The following RBFOX2 variants were observed in gnomAD, a reference collection of about 807,000 sequenced individuals.
RBFOX2 encodes RNA binding protein fox-1 homolog 2.
RBFOX2 carries 10 observed loss-of-function variants against 49.1 expected under a neutral mutation model. The observed-to-expected ratio is 0.20, with a 90% CI of 0.13 to 0.35. The LOEUF (loss-of-function observed/expected upper bound fraction) is 0.35. Among genes scored for constraint, RBFOX2 ranks in the 10% least tolerant of loss-of-function variants. The pLI is 1.00. For synonymous variants in RBFOX2, 183 were observed against 187.4 expected, an observed-to-expected ratio of 0.98 and a Z score of 0.19; for missense variants, 323 against 486.9, an observed-to-expected ratio of 0.66 and a Z score of 3.17.
intron 1 of RBFOX2, among the ~76,000 whole-genome samples, chr22:35,933,079 A>T (rs1270757020): frequency 6.6e-6 from 1 of 152,222 alleles, no homozygotes; most frequent in Non-Finnish European, 1.5e-5. Context: ...GAACACTTAT[A>T]TTCAGAGAGA....
In RBFOX2 at chr22:35,879,235, G is replaced by A. The variant is rs180879374; in HGVS notation, c.-34+59612C>T. Among the ~76,000 whole-genome samples, 189 of 152,236 alleles carry A rather than the reference G, an allele frequency of 1.2e-3. 1 individual carries two copies. Among genetic ancestry groups the A allele is most frequent in the African/African-American group, 4.1e-3 (169 of 41,548 alleles). On this transcript the variant is annotated intron_variant, in intron 1 of 13. Coordinates refer to the RBFOX2 transcript ENST00000359369. ...CCATATTTGTGGGTTCTGCATCCCT[G>A]GATTCAACCAACCATGAATGGGAAA...
chr22:35,748,873 C>T (rs1303345639), intron 9 of RBFOX2, among the ~76,000 whole-genome samples: 1 of 152,194 alleles, frequency 6.6e-6, no homozygotes, highest in Non-Finnish European at 1.5e-5. Context: ...AGGTTTCACA[C>T]CTGACTCTCA....
chr22:35,974,348 C>T (rs536742087), intron 1 of RBFOX2, among the ~76,000 whole-genome samples: 2 of 152,288 alleles, frequency 1.3e-5, no homozygotes, highest in South Asian at 2.1e-4. Flanking sequence ...TTCCTACATT[C>T]GTTCTCGTCT....
At chr22:35,766,899 G>C (rs539354398) in intron 5 of RBFOX2, among the ~76,000 whole-genome samples, 2 of 152,060 alleles carry the variant, frequency 1.3e-5, no homozygotes, top group Non-Finnish European at 2.9e-5. Context: ...AGGAAGAATA[G>C]GGAAAGGGAC....
chr22:35,905,246 G>A (rs182822290), intron 1 of RBFOX2, among the ~76,000 whole-genome samples: 1 of 152,002 alleles, frequency 6.6e-6, no homozygotes, highest in Admixed American at 6.6e-5. Flanking sequence ...TTATGTTAGA[G>A]GCAGCCAACA....
chr22:35,869,017 T>C (rs987891354), intron 1 of RBFOX2, among the ~76,000 whole-genome samples: 2 of 152,202 alleles, frequency 1.3e-5, no homozygotes, highest in African/African-American at 2.4e-5. Flanking sequence ...AACCCTCAAC[T>C]GCTTTCACAG....
chr22:36,023,945 G>C (rs1207986260), intron 1 of RBFOX2, among the ~76,000 whole-genome samples: 1 of 152,174 alleles, frequency 6.6e-6, no homozygotes, highest in East Asian at 1.9e-4. Context: ...ATTTTGGTAA[G>C]TGATGATTTA....
At chr22:35,747,601 G>A (rs1253457890) in intron 9 of RBFOX2, 2 of 152,184 alleles carry the variant, frequency 1.3e-5, no homozygotes, top group East Asian at 1.9e-4. Context: ...TGCCACATGA[G>A]ACAGGATATT....
intron 1 of RBFOX2, among the ~76,000 whole-genome samples, chr22:35,895,059 A>C (rs1603441943): frequency 8.6e-5 from 12 of 138,768 alleles, no homozygotes; most frequent in Admixed American, 2.2e-4. Context: ...CCTCCCTCTC[A>C]CCCTCCCTCC....
chr22:35,909,715 G>T (rs182426280), intron 1 of RBFOX2, among the ~76,000 whole-genome samples: 41 of 152,222 alleles, frequency 2.7e-4, no homozygotes, highest in Non-Finnish European at 5.0e-4. Flanking sequence ...GGATTCAAGC[G>T]ATTCTCCTGC....
At chr22:35,830,083 G>A (rs563777885) in intron 1 of RBFOX2, among the ~76,000 whole-genome samples, 2 of 152,272 alleles carry the variant, frequency 1.3e-5, no homozygotes, top group South Asian at 4.1e-4. Context: ...ATAAGCATTA[G>A]GTTACAAGTG....
chr22:35,817,476 C>CT lies in RBFOX2; in HGVS notation c.28-7473_28-7472insA, dbSNP rs1297230826. Among the ~76,000 whole-genome samples the CT allele has an allele frequency of 6.3e-4, 75 of 119,824 alleles. No homozygotes were observed. In the East Asian group the frequency reaches 0.012, roughly 20 times the overall value. 78.6% of individuals were successfully genotyped at this position (119,824 alleles called of 152,430 possible). On this transcript the variant is annotated intron_variant, in intron 1 of 11. Coordinates refer to ENST00000405409, the Ensembl canonical transcript of RBFOX2. ...TGGACAACAGAGTAAGACTTTGTCTCAAAATAAATAAATAAATAAATAAAT... is the reference window on the plus strand; with the variant it reads ...TGGACAACAGAGTAAGACTTTGTCTCTAAAATAAATAAATAAATAAATAAAT...
At chr22:35,740,040 T>TC (rs1929077333) in exon 12 of RBFOX2, 1 of 152,646 alleles carries the variant, frequency 6.6e-6, no homozygotes, top group African/African-American at 2.4e-5. Flanking sequence ...AGGAACCCCC[T>TC]CCATCCCTGG....
intron 1 of RBFOX2, among the ~76,000 whole-genome samples, chr22:35,984,205 C>T (rs1357240414): frequency 3.9e-5 from 6 of 152,108 alleles, no homozygotes; most frequent in Non-Finnish European, 8.8e-5. Flanking sequence ...AAAAAACAAA[C>T]CTGATTCCTG....
intron 1 of RBFOX2, chr22:35,898,468 C>A (rs1015344342): frequency 7.3e-6 from 3 of 411,824 alleles, no homozygotes; most frequent in South Asian, 7.1e-5. Flanking sequence ...CTCTGTAGCC[C>A]AGGCTGCAGT....
chr22:35,984,580 A>G (rs557516254), intron 1 of RBFOX2, among the ~76,000 whole-genome samples: 1 of 152,230 alleles, frequency 6.6e-6, no homozygotes, highest in Non-Finnish European at 1.5e-5. Flanking sequence ...TCTGGCTAAA[A>G]GACTTACAGA....
intron 1 of RBFOX2, among the ~76,000 whole-genome samples, chr22:35,891,866 T>C (rs1350708825): frequency 6.8e-6 from 1 of 147,430 alleles, no homozygotes; most frequent in African/African-American, 2.5e-5. Flanking sequence ...AAAAAAAAAG[T>C]TTACAACAAA....
intron 4 of RBFOX2, among the ~76,000 whole-genome samples, chr22:35,770,978 G>A (rs745584037): frequency 2.0e-5 from 3 of 152,144 alleles, no homozygotes; most frequent in Non-Finnish European, 4.4e-5. Flanking sequence ...TGGGGTGATA[G>A]GAGGAAGAAA....
At chr22:35,903,137 A>G (rs2048769301) in intron 1 of RBFOX2, among the ~76,000 whole-genome samples, 1 of 152,070 alleles carries the variant, frequency 6.6e-6, no homozygotes, top group African/African-American at 2.4e-5. Context: ...CTTCAGGGTA[A>G]ATTATCTTGA....
Sources: gnomAD v4.1 joint callset for allele counts (sites outside exome capture counted in the v4.1 genomes callset) on GRCh38, gnomAD v4.1.1 for gene constraint, MANE v1.5 for transcripts, NCBI Gene and HGNC (gene_info 2026-07-23, HGNC 2026-07-21) for gene names.